Variants in BRINP1 observed in about 807,000 individuals in gnomAD.
BRINP1 encodes BMP/retinoic acid inducible neural specific 1, also known as BMP/retinoic acid-inducible neural-specific protein 1.
BRINP1 carries 17 observed loss-of-function variants against 72.9 expected under a neutral mutation model. The ratio of observed to expected loss-of-function variants is 0.23; its 90% CI spans 0.16 to 0.35. The LOEUF is 0.35. BRINP1 is among the 10% of genes least tolerant of loss of function. BRINP1 has a pLI of 1.00. For missense variants in BRINP1, 850 were observed against 1,001.6 expected (o/e 0.85, Z 2.04); for synonymous variants, 418 against 378.5 (o/e 1.10, Z -1.21).
intron 7 of BRINP1, among the ~76,000 whole-genome samples, chr9:119,169,888 C>A (rs1829380776): frequency 6.6e-6 from 1 of 152,094 alleles, no homozygotes. Context: ...ACGTCACAGG[C>A]AGGGTATTCC....
intron 5 of BRINP1, among the ~76,000 whole-genome samples, chr9:119,221,102 G>T (rs1449308776): frequency 2.6e-5 from 4 of 152,096 alleles, no homozygotes; most frequent in Non-Finnish European, 5.9e-5. Context: ...AAAAACACAG[G>T]TTCTATTTTA....
Position 119,206,466 on chromosome 9 carries a change from G to A in BRINP1, c.1145+2253C>T, listed in dbSNP as rs115690064. Among the ~76,000 whole-genome samples the A allele has an allele frequency of 2.9e-3, 434 of 147,560 alleles. 3 individuals are homozygous for A. The highest frequency in any genetic ancestry group is 0.01 in the African/African-American group (409 of 39,710). ...AGAGAGAGAGAGAGGATATTAGGAC[G>A]CAGATGCACACAGAGGAAAGACTAC... On this transcript the variant is annotated intron_variant, in intron 7 of 7. Coordinates refer to ENST00000265922, the MANE Select transcript of BRINP1 (RefSeq NM_014618.3).
chr9:119,238,522 C>A (rs1830213700), intron 5 of BRINP1, 133 bp downstream of exon 5: 1 of 563,734 alleles, frequency 1.8e-6, no homozygotes, highest in Non-Finnish European at 3.1e-6. Flanking sequence ...TCCATATTTG[C>A]AGTTTTCATT....
intron 1 of BRINP1, among the ~76,000 whole-genome samples, chr9:119,325,927 C>A (rs1487865908): frequency 6.6e-6 from 1 of 152,168 alleles, no homozygotes; most frequent in Non-Finnish European, 1.5e-5. Context: ...GCCTCAGTGC[C>A]TTGTTTAGAC....
intron 1 of BRINP1, among the ~76,000 whole-genome samples, chr9:119,361,611 C>T (rs1587973716): frequency 2.0e-5 from 2 of 100,830 alleles, no homozygotes; most frequent in Admixed American, 1.9e-4. Flanking sequence ...GCAACATATT[C>T]TTCTTCTTCT....
At chr9:119,204,610 C>T (rs1466832319) in intron 7 of BRINP1, among the ~76,000 whole-genome samples, 1 of 152,144 alleles carries the variant, frequency 6.6e-6, no homozygotes, top group African/African-American at 2.4e-5. Context: ...AAGAACAGTG[C>T]CTGACCTTTA....
At chr9:119,201,186 TG>T (rs1829801865) in intron 7 of BRINP1, among the ~76,000 whole-genome samples, 1 of 152,208 alleles carries the variant, frequency 6.6e-6, no homozygotes, top group South Asian at 2.1e-4. Flanking sequence ...GAGTAGATTC[TG>T]GGAGACTTAG....
chr9:119,365,680 G>A (rs1209408097), intron 1 of BRINP1, among the ~76,000 whole-genome samples: 1 of 152,126 alleles, frequency 6.6e-6, no homozygotes, highest in African/African-American at 2.4e-5. Context: ...AAGAGATGTT[G>A]AATTCGAACC....
At chr9:119,253,681 G>C (rs1830416237) in intron 2 of BRINP1, among the ~76,000 whole-genome samples, 2 of 152,106 alleles carry the variant, frequency 1.3e-5, no homozygotes, top group Admixed American at 1.3e-4. Context: ...CTTAAAAATG[G>C]TAAAGAACAA....
At chr9:119,262,683 G>A (rs1190796020) in intron 2 of BRINP1, among the ~76,000 whole-genome samples, 1 of 149,442 alleles carries the variant, frequency 6.7e-6, no homozygotes, top group Non-Finnish European at 1.5e-5. Flanking sequence ...ATTGGACTTG[G>A]AGGAACAAAC....
chr9:119,297,511 G>A lies in BRINP1; in HGVS notation c.218+15627C>T, dbSNP rs1830892943. ...TCCTCATCTGTAAAATGGGTTAAAG[G>A]CTACAGCTGTCACAAGGGTTGCACT... On this transcript the variant is annotated intron_variant, in intron 2 of 7. Transcript: ENST00000265922. Among the ~76,000 whole-genome samples the A allele has an allele frequency of 1.3e-5, 2 of 152,140 alleles. 1 individual carries two copies.
In BRINP1 at chr9:119,242,181, G is replaced by A. The variant is rs751806082; in HGVS notation, c.445C>T (p.Arg149Cys). The change falls in exon 4 of 8, where the codon CGC (arginine) becomes TGC (cysteine). Residue 149 changes from arginine (R) to cysteine (C), a missense_variant. Coordinates refer to ENST00000265922, the MANE Select transcript of BRINP1 (RefSeq NM_014618.3). Reference sequence around the variant, plus strand: ...GCATTCCCTGACTTCCTGTCGAGGCGACTTTTGTCCATATACATGGTCAAA... The same window carrying A: ...GCATTCCCTGACTTCCTGTCGAGGCAACTTTTGTCCATATACATGGTCAAA... ...EALTMYMDKS[R>C]LDRKSGNATQ... The A allele has an allele frequency of 3.1e-6, 5 of 1,614,106 alleles. No homozygotes were observed. Among genetic ancestry groups the A allele is most frequent in the South Asian group, 2.2e-5 (2 of 91,076 alleles).
At chr9:119,347,676 GT>G (rs756759384) in intron 1 of BRINP1, among the ~76,000 whole-genome samples, 8 of 151,918 alleles carry the variant, frequency 5.3e-5, no homozygotes, top group African/African-American at 9.7e-5. Flanking sequence ...CTGCTTCCTA[GT>G]TTCCCTGCAA....
rs934840290 is a variant in BRINP1, at chr9:119,307,449, A to C, written c.218+5689T>G. On this transcript the variant is annotated intron_variant, in intron 2 of 7. Transcript: ENST00000265922. ...TTTGTATATCTATACCACAGGGGGA[A>C]TGCCAAACTTGGGAATTTGAAATGA... Among the ~76,000 whole-genome samples the C allele has an allele frequency of 3.3e-5, 5 of 152,304 alleles. No individual in the cohort carries two copies. In the East Asian group the frequency reaches 9.6e-4, roughly 29 times the overall value.
In BRINP1 at chr9:119,249,029, T is replaced by C. The variant is rs1830351130; in HGVS notation, c.340A>G (p.Thr114Ala). The C allele has an allele frequency of 6.2e-7, 1 of 1,613,994 alleles. No individual in the cohort carries two copies. Among genetic ancestry groups the C allele is most frequent in the Non-Finnish European group, 8.5e-7 (1 of 1,179,976 alleles). The change falls in exon 3 of 8, where the codon ACT becomes GCT. Residue 114 changes from threonine (T) to alanine (A), a missense_variant. By Grantham distance (58) the Thr-to-Ala change is moderately conservative. Coordinates refer to ENST00000265922, the MANE Select transcript of BRINP1 (RefSeq NM_014618.3). ...ATGATGGTATCGATGAACTGCTGAG[T>C]GGTAGGTCTCCTGCCAAGCAGGCGG... The part of the protein sequence containing the change: ...SIRLLGRRPT[T>A]QQFIDTIIKK...
intron 1 of BRINP1, among the ~76,000 whole-genome samples, chr9:119,358,992 A>T (rs1420098785): frequency 6.6e-6 from 1 of 152,202 alleles, no homozygotes; most frequent in Non-Finnish European, 1.5e-5. Flanking sequence ...ACCTAATAAT[A>T]CTTTTTTTCT....
chr9:119,317,505 TGATGAA>T (rs1162219256), intron 1 of BRINP1, among the ~76,000 whole-genome samples: 1 of 152,226 alleles, frequency 6.6e-6, no homozygotes, highest in Non-Finnish European at 1.5e-5. Context: ...AGTCTACTCT[TGATGAA>T]GATGCTATGA....
intron 1 of BRINP1, among the ~76,000 whole-genome samples, chr9:119,346,583 G>A (rs540531647): frequency 6.6e-6 from 1 of 152,170 alleles, no homozygotes; most frequent in Admixed American, 6.5e-5. Context: ...GCCTGCCAGA[G>A]TTGGCCAAAG....
intron 2 of BRINP1, among the ~76,000 whole-genome samples, chr9:119,271,788 CA>C (rs1830608139): frequency 6.6e-6 from 1 of 151,644 alleles, no homozygotes; most frequent in African/African-American, 2.4e-5. Context: ...TGTCTTTTTT[CA>C]TTTTTTTTTA....
Sources: gnomAD v4.1 joint callset for allele counts (sites outside exome capture counted in the v4.1 genomes callset) on GRCh38, gnomAD v4.1.1 for gene constraint, MANE v1.5 for transcripts, NCBI Gene and HGNC (gene_info 2026-07-23, HGNC 2026-07-21) for gene names.